The following IGFBP7 variants were observed in gnomAD, a reference collection of about 807,000 sequenced individuals.
IGFBP7 encodes the protein insulin-like growth factor-binding protein 7.
A neutral mutation model predicts 29.4 loss-of-function variants in IGFBP7; 31 were observed. The observed-to-expected ratio is 1.05, with a 90% CI of 0.79 to 1.42. The LOEUF is 1.42. Among genes scored for constraint, IGFBP7 ranks in the 40% most tolerant of loss-of-function variants. IGFBP7 has a pLI of 0.00. For synonymous variants in IGFBP7, 172 were observed against 174.9 expected (o/e 0.98, Z 0.13); for missense variants, 393 against 395.5 (o/e 0.99, Z 0.05).
intron 1 of IGFBP7, among the ~76,000 whole-genome samples, chr4:57,054,683 G>A (rs148458266): frequency 3.6e-4 from 54 of 148,640 alleles, no homozygotes; most frequent in Middle Eastern, 6.9e-3. Context: ...AAATAGATGT[G>A]CCCCTGGGGA....
At chr4:57,104,018 C>A (rs2109806577) in intron 1 of IGFBP7, among the ~76,000 whole-genome samples, 1 of 152,158 alleles carries the variant, frequency 6.6e-6, no homozygotes, top group South Asian at 2.1e-4. Flanking sequence ...TCCTCCCAAC[C>A]CCATCTCTGG....
intron 1 of IGFBP7, among the ~76,000 whole-genome samples, chr4:57,042,977 T>C (rs923410115): frequency 1.3e-5 from 2 of 152,248 alleles, no homozygotes; most frequent in East Asian, 3.8e-4. Flanking sequence ...GGGTGATTTC[T>C]GGTTTGGCTC....
At chr4:57,064,425 T>C (rs1420346125) in intron 1 of IGFBP7, among the ~76,000 whole-genome samples, 2 of 152,172 alleles carry the variant, frequency 1.3e-5, no homozygotes, top group Non-Finnish European at 2.9e-5. Context: ...GGAAAATGGA[T>C]TTAAAAGAAA....
intron 1 of IGFBP7, among the ~76,000 whole-genome samples, chr4:57,107,477 T>C (rs989149380): frequency 2.0e-5 from 3 of 152,170 alleles, no homozygotes; most frequent in Non-Finnish European, 4.4e-5. Flanking sequence ...TCTGTCCAGT[T>C]TGCTTCTATG....
intron 1 of IGFBP7, among the ~76,000 whole-genome samples, chr4:57,106,463 G>C (rs1271246806): frequency 6.6e-6 from 1 of 152,154 alleles, no homozygotes; most frequent in East Asian, 1.9e-4. Context: ...TGAAAGCATA[G>C]AGACATATGT....
chr4:57,043,946 C>A (rs920652874), intron 1 of IGFBP7, among the ~76,000 whole-genome samples: 1 of 152,220 alleles, frequency 6.6e-6, no homozygotes, highest in African/African-American at 2.4e-5. Context: ...CCTTCGCCCA[C>A]CTCTCTGATG....
At chr4:57,105,183 A>G (rs890423648) in intron 1 of IGFBP7, among the ~76,000 whole-genome samples, 1 of 152,296 alleles carries the variant, frequency 6.6e-6, no homozygotes, top group East Asian at 1.9e-4. Context: ...CGTTCTTAGC[A>G]TGGCTCTACT....
intron 1 of IGFBP7, among the ~76,000 whole-genome samples, chr4:57,101,476 G>C (rs1187960618): frequency 1.3e-5 from 2 of 152,134 alleles, no homozygotes; most frequent in Non-Finnish European, 2.9e-5. Flanking sequence ...CTCCTGGTAG[G>C]GACATTGATG....
intron 1 of IGFBP7, among the ~76,000 whole-genome samples, chr4:57,069,039 A>AT (rs11451768): frequency 0.71 from 107,449 of 151,760 alleles, 39,172 homozygotes; most frequent in Admixed American, 0.82. Flanking sequence ...CAGCTCACCC[A>AT]TAAGCCTAGA....
chr4:57,058,800 G>C (rs1460304682), intron 1 of IGFBP7, among the ~76,000 whole-genome samples: 1 of 151,830 alleles, frequency 6.6e-6, no homozygotes, highest in African/African-American at 2.4e-5. Context: ...CTATCAACAG[G>C]GTATACAGAC....
chr4:57,105,455 G>C (rs1253334594), intron 1 of IGFBP7, among the ~76,000 whole-genome samples: 1 of 152,128 alleles, frequency 6.6e-6, no homozygotes, highest in Admixed American at 6.5e-5. Context: ...CTATATGAGG[G>C]AGCAAAATCT....
At chr4:57,052,213 A>C (rs1290309673) in intron 1 of IGFBP7, among the ~76,000 whole-genome samples, 1 of 152,148 alleles carries the variant, frequency 6.6e-6, no homozygotes, top group Non-Finnish European at 1.5e-5. Flanking sequence ...ATTCAGGAAG[A>C]ACTAACACTA....
At chr4:57,043,583 AT>A (rs1326432754) in intron 1 of IGFBP7, among the ~76,000 whole-genome samples, 3 of 152,236 alleles carry the variant, frequency 2.0e-5, no homozygotes, top group East Asian at 1.9e-4. Context: ...TTAGAAGCTG[AT>A]TTTTTTTAAT....
At chr4:57,076,371 G>T (rs11573061) in intron 1 of IGFBP7, among the ~76,000 whole-genome samples, 7,384 of 152,268 alleles carry the variant, frequency 0.048, 255 homozygotes, top group Non-Finnish European at 0.075. Flanking sequence ...CAACAGGAAT[G>T]CCATGAAGCC....
At chr4:57,109,083 T>C (rs1578657895) in intron 1 of IGFBP7, among the ~76,000 whole-genome samples, 1 of 152,310 alleles carries the variant, frequency 6.6e-6, no homozygotes, top group South Asian at 2.1e-4. Flanking sequence ...AATAATTAGC[T>C]AGTTAGATTA....
At chr4:57,044,038 T>C (rs538509662) in intron 1 of IGFBP7, among the ~76,000 whole-genome samples, 1 of 152,220 alleles carries the variant, frequency 6.6e-6, no homozygotes, top group Non-Finnish European at 1.5e-5. Flanking sequence ...AAAGGATTGT[T>C]CTGAGAAGAG....
At chr4:57,094,076 C>T (rs1725700094) in intron 1 of IGFBP7, among the ~76,000 whole-genome samples, 1 of 152,094 alleles carries the variant, frequency 6.6e-6, no homozygotes, top group South Asian at 2.1e-4. Context: ...TATATTGAGT[C>T]TAACTCCCTC....
At chr4:57,106,127 C>T (rs995863085) in intron 1 of IGFBP7, among the ~76,000 whole-genome samples, 9 of 152,022 alleles carry the variant, frequency 5.9e-5, no homozygotes, top group East Asian at 5.8e-4. Flanking sequence ...AGGATGGTCT[C>T]GATCTCCTGA....
intron 1 of IGFBP7, among the ~76,000 whole-genome samples, chr4:57,066,543 CAAAT>C: frequency 6.6e-6 from 1 of 152,058 alleles, no homozygotes; most frequent in African/African-American, 2.4e-5. Flanking sequence ...CAGTAGCAAA[CAAAT>C]AATATTTTCC....
Sources: gnomAD v4.1 joint callset for allele counts (sites outside exome capture counted in the v4.1 genomes callset) on GRCh38, gnomAD v4.1.1 for gene constraint, MANE v1.5 for transcripts, NCBI Gene and HGNC (gene_info 2026-07-23, HGNC 2026-07-21) for gene names.